Variants in CIB4 observed in about 807,000 individuals in gnomAD.
CIB4 encodes the protein calcium and integrin-binding family member 4.
A neutral mutation model predicts 25.8 loss-of-function variants in CIB4; 25 were observed. The ratio of observed to expected loss-of-function variants is 0.97; its 90% CI spans 0.71 to 1.35. The LOEUF (loss-of-function observed/expected upper bound fraction) is 1.35. Among genes scored for constraint, CIB4 ranks in the 40% most tolerant of loss-of-function variants. The pLI, the probability that CIB4 is intolerant of heterozygous loss-of-function variation, is 0.00. For synonymous variants in CIB4, 75 were observed against 81.4 expected (o/e 0.92, Z 0.42); for missense variants, 235 against 228.2 (o/e 1.03, Z -0.19).
chr2:26,591,954 G>A (rs1199500553), intron 4 of CIB4, among the ~76,000 whole-genome samples: 1 of 152,252 alleles, frequency 6.6e-6, no homozygotes, highest in Non-Finnish European at 1.5e-5. Context: ...CTCCAGGTGA[G>A]AAGGCACCCC....
chr2:26,623,600 G>A (rs1287944866), intron 3 of CIB4: 1 of 470,904 alleles, frequency 2.1e-6, no homozygotes, highest in Non-Finnish European at 4.4e-6. Flanking sequence ...GGGCCATCCT[G>A]ACCATACCTC....
intron 3 of CIB4, 137 bp from the exon 4 acceptor site, chr2:26,595,454 G>C (rs1668665451): frequency 5.0e-6 from 5 of 997,170 alleles, no homozygotes; most frequent in Non-Finnish European, 7.3e-6. Flanking sequence ...TATCGGAGTA[G>C]ATGGTGGCTC....
chr2:26,612,785 G>C (rs1211981996), intron 3 of CIB4, among the ~76,000 whole-genome samples: 1 of 152,212 alleles, frequency 6.6e-6, no homozygotes, highest in East Asian at 1.9e-4. Flanking sequence ...CCTGAAGGTG[G>C]GGTGGCTTAA....
chr2:26,582,884 G>A lies in CIB4; in HGVS notation c.468C>T (p.Asp156=). 1 of 1,613,758 alleles carries A rather than the reference G, an allele frequency of 6.2e-7. No individual in the cohort carries two copies. The highest frequency in any genetic ancestry group is 8.5e-7 in the Non-Finnish European group (1 of 1,179,706). ...HVLSESDLDN[D]NMLSFSEFEH... The stretch of plus-strand genomic sequence containing the variant: ...CAAACTCTGAGAAGGACAGCATGTT[G>A]TCATTGTCCAGATCCGACTCACTCA... The change falls in exon 6 of 7, where the codon GAC becomes GAT. Residue 156 remains aspartate (D), a synonymous_variant. Coordinates refer to ENST00000288861, the MANE Select transcript of CIB4 (RefSeq NM_001029881.3).
intron 2 of CIB4, among the ~76,000 whole-genome samples, chr2:26,630,790 G>A (rs1669402594): frequency 6.6e-6 from 1 of 152,078 alleles, no homozygotes; most frequent in East Asian, 1.9e-4. Flanking sequence ...TGTTTGGTAG[G>A]TAAGAGTGTT....
chr2:26,597,977 G>T (rs922599502), intron 3 of CIB4, among the ~76,000 whole-genome samples: 2 of 151,586 alleles, frequency 1.3e-5, no homozygotes, highest in African/African-American at 4.8e-5. Flanking sequence ...CCTTGGAAAT[G>T]GATCCCTCTA....
At chr2:26,598,018 G>A (rs1668712116) in intron 3 of CIB4, among the ~76,000 whole-genome samples, 1 of 151,776 alleles carries the variant, frequency 6.6e-6, no homozygotes, top group Non-Finnish European at 1.5e-5. Flanking sequence ...AACATTTTTT[G>A]GCCGGGCACG....
At chr2:26,639,486 A>G (rs904081774) in intron 2 of CIB4, among the ~76,000 whole-genome samples, 1 of 151,104 alleles carries the variant, frequency 6.6e-6, no homozygotes, top group Non-Finnish European at 1.5e-5. Flanking sequence ...TTTTTTTTAG[A>G]TTTCATTTTA....
chr2:26,617,281 G>A (rs907054243), intron 3 of CIB4, among the ~76,000 whole-genome samples: 1 of 152,134 alleles, frequency 6.6e-6, no homozygotes, highest in Admixed American at 6.5e-5. Flanking sequence ...TCTAGCTCAG[G>A]GAGGGTTGGC....
chr2:26,588,351 G>T (rs1031597731), intron 4 of CIB4, among the ~76,000 whole-genome samples: 13 of 152,242 alleles, frequency 8.5e-5, no homozygotes, highest in African/African-American at 2.9e-4. Context: ...GGGTGGCAAG[G>T]ACAGGGCAGC....
At chr2:26,599,636 A>G (rs1185378598) in intron 3 of CIB4, among the ~76,000 whole-genome samples, 1 of 152,224 alleles carries the variant, frequency 6.6e-6, no homozygotes, top group Non-Finnish European at 1.5e-5. Context: ...ATCAAACAGT[A>G]TTAATTTATG....
intron 3 of CIB4, among the ~76,000 whole-genome samples, chr2:26,616,125 C>A (rs1205988313): frequency 6.6e-6 from 1 of 152,186 alleles, no homozygotes; most frequent in African/African-American, 2.4e-5. Context: ...ATGAAGCGAA[C>A]AACTCCCTCC....
chr2:26,601,228 AAAAATATATATATAT>A (rs762846770), intron 3 of CIB4, among the ~76,000 whole-genome samples: 1,172 of 79,738 alleles, frequency 0.015, 80 homozygotes, highest in Admixed American at 0.024. Context: ...AAAAAAAAAA[AAAAATATATATATAT>A]ATATATATAT....
chr2:26,623,133 C>T (rs1669237026), intron 3 of CIB4, among the ~76,000 whole-genome samples: 1 of 151,934 alleles, frequency 6.6e-6, no homozygotes, highest in Admixed American at 6.6e-5. Context: ...TGCTTAAACC[C>T]AGGCATTCAA....
At chr2:26,581,489 C>A in intron 6 of CIB4, 96 bp from the exon 7 acceptor site, 1 of 1,230,338 alleles carries the variant, frequency 8.1e-7, no homozygotes, top group South Asian at 1.2e-5. Flanking sequence ...CCCTCCCCGG[C>A]CTGCATCTCG....
At position 26,616,074 on chromosome 2, in the gene CIB4, G is replaced by A. The variant is rs140308390; in HGVS notation, c.186+13336C>T. Reference sequence around the variant, plus strand: ...CATCAGCCATGTGACTGTGGTGGCTGGGCTGCTTAACCCCTGTGGGCCTCT... The same window carrying A: ...CATCAGCCATGTGACTGTGGTGGCTAGGCTGCTTAACCCCTGTGGGCCTCT... On this transcript the variant is annotated intron_variant, in intron 3 of 6. Transcript: ENST00000288861. Among the ~76,000 whole-genome samples, 938 of 152,318 alleles carry A rather than the reference G, an allele frequency of 6.2e-3. 8 individuals carry two copies. In the Middle Eastern group the frequency reaches 0.065, roughly 10 times the overall value.
chr2:26,585,195 G>A (rs1353235048), intron 4 of CIB4, among the ~76,000 whole-genome samples: 3 of 151,680 alleles, frequency 2.0e-5, no homozygotes, highest in Admixed American at 6.6e-5. Flanking sequence ...GTGGGTGGAG[G>A]AGGTGCCAGG....
At chr2:26,630,677 C>T (rs762988085) in intron 2 of CIB4, among the ~76,000 whole-genome samples, 19 of 152,174 alleles carry the variant, frequency 1.2e-4, no homozygotes, top group Non-Finnish European at 2.6e-4. Flanking sequence ...GGTTCTGAAT[C>T]CACCTGAGCC....
At chr2:26,601,217 CAA>C (rs142951418) in intron 3 of CIB4, among the ~76,000 whole-genome samples, 147 of 23,688 alleles carry the variant, frequency 6.2e-3, no homozygotes, top group South Asian at 0.019. Flanking sequence ...GAGACCATGT[CAA>C]AAAAAAAAAA....
Sources: gnomAD v4.1 joint callset for allele counts (sites outside exome capture counted in the v4.1 genomes callset) on GRCh38, gnomAD v4.1.1 for gene constraint, MANE v1.5 for transcripts, NCBI Gene and HGNC (gene_info 2026-07-23, HGNC 2026-07-21) for gene names.